Variants in MDM1 observed in about 807,000 individuals in gnomAD.
MDM1 encodes the protein stabilizer of axonemal microtubules 6.
Under a neutral mutation model 89.1 loss-of-function variants are expected in MDM1, and 61 were observed. The ratio of observed to expected loss-of-function variants is 0.68; its 90% CI spans 0.56 to 0.85. The LOEUF (loss-of-function observed/expected upper bound fraction) is 0.85, where lower values mean the gene tolerates loss of function less well. MDM1 is among the 40% of genes least tolerant of loss of function. The probability of loss-of-function intolerance (pLI) is 0.00; values close to 1 mark genes in which losing one functional copy is unlikely to be tolerated. For synonymous variants in MDM1, 290 were observed against 294.1 expected (o/e 0.99, Z 0.14); for missense variants, 820 against 846.5 (o/e 0.97, Z 0.39).
intron 12 of MDM1, among the ~76,000 whole-genome samples, chr12:68,312,829 G>A (rs1277546208): frequency 1.3e-5 from 2 of 151,712 alleles, no homozygotes; most frequent in African/African-American, 4.9e-5. Context: ...TCCTCAAGGG[G>A]GCAGGTACCC....
chr12:68,329,735 A>G (rs1200025933), intron 2 of MDM1, among the ~76,000 whole-genome samples: 2 of 152,194 alleles, frequency 1.3e-5, no homozygotes, highest in African/African-American at 4.8e-5. Flanking sequence ...CAGAGATCTA[A>G]TATACTAGTA....
chr12:68,313,782 T>G, intron 10 of MDM1, 29 bp from the exon 11 acceptor site: 4 of 1,474,186 alleles, frequency 2.7e-6, no homozygotes, highest in Non-Finnish European at 2.8e-6. Flanking sequence ...TATGAATCTA[T>G]ACAGCATTTC....
chr12:68,309,846 C>A (rs192923265), intron 12 of MDM1, among the ~76,000 whole-genome samples: 79 of 152,310 alleles, frequency 5.2e-4, no homozygotes, highest in African/African-American at 1.9e-3. Flanking sequence ...AAGGGGTAGA[C>A]ACTGGGAAAT....
chr12:68,313,883 C>G (rs570946012), intron 10 of MDM1, 130 bp from the exon 11 acceptor site: 44 of 711,000 alleles, frequency 6.2e-5, no homozygotes, highest in Non-Finnish European at 9.6e-5. Context: ...GGCTCACGCC[C>G]GTAATCCCAG....
At chr12:68,303,225 T>G (rs76155743) in intron 12 of MDM1, among the ~76,000 whole-genome samples, 26 of 152,334 alleles carry the variant, frequency 1.7e-4, no homozygotes, top group Admixed American at 8.5e-4. Flanking sequence ...ATTCATATAA[T>G]GTACACACAA....
At position 68,309,184 on chromosome 12, in the gene MDM1, T is replaced by TA. The variant is rs1873350803; in HGVS notation, c.1749+4258dup. Among the ~76,000 whole-genome samples, 5 of 152,360 alleles carry TA rather than the reference T, an allele frequency of 3.3e-5. No individual in the cohort carries two copies. The South Asian group carries it at 1.0e-3, about 32-fold the overall frequency. On this transcript the variant is annotated intron_variant, in intron 12 of 14. Transcript: ENST00000682720. ...TGCCATGTTTTCCAGCCTCATGTTG[T>TA]ACCAGGCTCCCTGCCACACACTGTA...
chr12:68,324,123 T>C (rs74100607), intron 4 of MDM1, among the ~76,000 whole-genome samples: 97 of 152,276 alleles, frequency 6.4e-4, no homozygotes, highest in African/African-American at 2.3e-3. Context: ...AAAAAAAGTA[T>C]GTGAAACACT....
chr12:68,297,848 T>C (rs1871613866), intron 13 of MDM1, among the ~76,000 whole-genome samples: 1 of 152,146 alleles, frequency 6.6e-6, no homozygotes. Flanking sequence ...TATGCAATGT[T>C]CAAAAATTCT....
chr12:68,304,616 C>T (rs778047577), intron 12 of MDM1, among the ~76,000 whole-genome samples: 40 of 151,464 alleles, frequency 2.6e-4, no homozygotes, highest in Admixed American at 9.2e-4. Context: ...TATATATGAA[C>T]AAAATTTGTG....
chr12:68,326,215 C>T (rs967526673), intron 3 of MDM1: 3 of 1,096,138 alleles, frequency 2.7e-6, no homozygotes, highest in Non-Finnish European at 2.2e-6. Context: ...CTCTGAGAGA[C>T]AGCCAGAGCT....
chr12:68,326,201 A>C, intron 3 of MDM1: 1 of 1,075,338 alleles, frequency 9.3e-7, no homozygotes, highest in Non-Finnish European at 1.1e-6. Context: ...CAGAAATGCA[A>C]GATCTCTGAG....
chr12:68,315,002 T>C lies in MDM1; in HGVS notation c.1475A>G (p.Glu492Gly). 3.7e-6 allele frequency: 6 copies of C among 1,614,178 alleles called. No individual in the cohort carries two copies. The highest frequency in any genetic ancestry group is 5.1e-6 in the Non-Finnish European group (6 of 1,180,030). The change falls in exon 10 of 15, where the codon GAG becomes GGG. Residue 492 changes from glutamate (E) to glycine (G), a missense_variant. Physicochemically the swap from Glu to Gly is moderately conservative, Grantham distance 98 (BLOSUM62 -2). Coordinates refer to ENST00000682720, the MANE Select transcript of MDM1 (RefSeq NM_001354969.2). ...RKTGKQAFMG[E>G]QEKLDVREKS... ...CTCACGTACATCCAACTTCTCTTGC[T>C]CTCCCATAAAAGCCTGCTTGCCCGT...
chr12:68,316,014 T>C (rs935272542), intron 9 of MDM1, 64 bp downstream of exon 9: 1 of 1,374,036 alleles, frequency 7.3e-7, no homozygotes, highest in Non-Finnish European at 9.8e-7. Flanking sequence ...CATTTTCCTA[T>C]ATCATTCTAT....
At chr12:68,327,303 G>C in intron 2 of MDM1, 3 of 1,422,082 alleles carry the variant, frequency 2.1e-6, no homozygotes, top group Non-Finnish European at 2.7e-6. Flanking sequence ...AAAGTCACTA[G>C]AATTGCAACG....
At chr12:68,314,237 A>G (rs1456498111) in intron 10 of MDM1, among the ~76,000 whole-genome samples, 1 of 152,178 alleles carries the variant, frequency 6.6e-6, no homozygotes, top group East Asian at 1.9e-4. Context: ...ATTTCCAATA[A>G]TGAATAGAAC....
At chr12:68,301,995 G>C (rs774286408) in intron 13 of MDM1, among the ~76,000 whole-genome samples, 1 of 152,048 alleles carries the variant, frequency 6.6e-6, no homozygotes, top group East Asian at 1.9e-4. Flanking sequence ...GGAAATTTTT[G>C]ACTGAATAAT....
At chr12:68,329,542 C>T (rs1876492728) in intron 2 of MDM1, among the ~76,000 whole-genome samples, 1 of 152,194 alleles carries the variant, frequency 6.6e-6, no homozygotes, top group Non-Finnish European at 1.5e-5. Context: ...TCCCAGTAAT[C>T]CTATGCAACA....
At chr12:68,324,881 T>G in intron 4 of MDM1, 1 of 445,800 alleles carries the variant, frequency 2.2e-6, no homozygotes, top group Non-Finnish European at 3.0e-6. Flanking sequence ...AATACTAAAA[T>G]TGTGCAGGAG....
chr12:68,308,421 C>T (rs1366690558), intron 12 of MDM1, among the ~76,000 whole-genome samples: 3 of 152,138 alleles, frequency 2.0e-5, no homozygotes, highest in Non-Finnish European at 4.4e-5. Flanking sequence ...CCACTGCGCC[C>T]GGCCCCTGTT....
Sources: allele counts gnomAD v4.1 joint callset (sites outside exome capture counted in the v4.1 genomes callset), GRCh38; gene constraint gnomAD v4.1.1; transcripts MANE v1.5; gene names NCBI Gene and HGNC (gene_info 2026-07-23, HGNC 2026-07-21).